The following MCCC2 variants were observed in gnomAD, a reference collection of about 807,000 sequenced individuals.
The protein encoded by MCCC2 is methylcrotonyl-CoA carboxylase subunit 2, also known as methylcrotonoyl-CoA carboxylase beta chain, mitochondrial.
In MCCC2, 52 loss-of-function variants were observed where a neutral mutation model predicts 77.2. The ratio of observed to expected loss-of-function variants is 0.67; its 90% CI spans 0.54 to 0.85. The LOEUF is 0.85. Among genes scored for constraint, MCCC2 ranks in the 40% least tolerant of loss-of-function variants. The pLI is 0.00. For missense variants in MCCC2, 682 were observed against 703.2 expected, an observed-to-expected ratio of 0.97 and a Z score of 0.34; for synonymous variants, 253 against 248.4, an observed-to-expected ratio of 1.02 and a Z score of -0.18.
At chr5:71,607,533 G>A (rs1481641945) in intron 6 of MCCC2, among the ~76,000 whole-genome samples, 4 of 145,332 alleles carry the variant, frequency 2.8e-5, no homozygotes, top group African/African-American at 1.0e-4. Flanking sequence ...ACCAGCTCCT[G>A]GATTCATTAA....
chr5:71,604,670 C>T (rs557959180), intron 6 of MCCC2, among the ~76,000 whole-genome samples: 14 of 151,446 alleles, frequency 9.2e-5, no homozygotes, highest in Non-Finnish European at 1.5e-4. Context: ...CATGCTGGTG[C>T]GCTGCACCCA....
chr5:71,602,962 A>G (rs1745503937), intron 5 of MCCC2: 1 of 308,128 alleles, frequency 3.2e-6, no homozygotes, highest in Admixed American at 4.8e-5. Flanking sequence ...GCAAGTATTT[A>G]TAGATCTCTT....
chr5:71,594,845 A>G (rs919147966), intron 2 of MCCC2, among the ~76,000 whole-genome samples: 10 of 151,756 alleles, frequency 6.6e-5, no homozygotes, highest in Non-Finnish European at 1.2e-4. Flanking sequence ...CCAAATTGTA[A>G]GGCCCCACTC....
At chr5:71,649,359 C>T in intron 14 of MCCC2, 106 bp downstream of exon 14, 2 of 1,095,468 alleles carry the variant, frequency 1.8e-6, no homozygotes, top group Non-Finnish European at 2.8e-6. Context: ...ATTCCCAGAT[C>T]TCAATCAATT....
intron 3 of MCCC2, among the ~76,000 whole-genome samples, chr5:71,596,774 A>T (rs1370918944): frequency 6.6e-6 from 1 of 152,096 alleles, no homozygotes; most frequent in African/African-American, 2.4e-5. Flanking sequence ...ACCCGTCTCT[A>T]CTAAAAATAC....
intron 6 of MCCC2, among the ~76,000 whole-genome samples, chr5:71,625,643 T>A (rs1391962930): frequency 1.3e-5 from 2 of 152,254 alleles, no homozygotes; most frequent in Non-Finnish European, 2.9e-5. Flanking sequence ...TAAGCAAAAC[T>A]GTAAGTGATA....
At chr5:71,587,650 A>G (rs1381053577) in intron 1 of MCCC2, 96 bp downstream of exon 1, 7 of 1,458,414 alleles carry the variant, frequency 4.8e-6, no homozygotes, top group Non-Finnish European at 4.6e-6. Context: ...TCTTGTCCGG[A>G]GCCCCAGTTG....
intron 3 of MCCC2, among the ~76,000 whole-genome samples, chr5:71,597,482 G>A (rs931047250): frequency 6.6e-6 from 1 of 152,160 alleles, no homozygotes; most frequent in Non-Finnish European, 1.5e-5. Context: ...ACCAGGTAGA[G>A]GGCGATTGCA....
At chr5:71,633,036 T>G in intron 8 of MCCC2, among the ~76,000 whole-genome samples, 1 of 148,544 alleles carries the variant, frequency 6.7e-6, no homozygotes, top group Non-Finnish European at 1.5e-5. Context: ...TTTTAGACTT[T>G]TTTTTTTTAG....
chr5:71,649,221 CG>C lies in MCCC2; in HGVS notation c.1343del (p.Gly448GlufsTer25). The stretch of plus-strand genomic sequence containing the variant: ...TCATCATTGGGGGCTCCTATGGAGC[CG>C]GAAACTATGGGATGTGTGGCAGAGC... The part of the protein sequence containing the change: ...TLIIGGSYGA[G>X]NYGMCGRAYS... On this transcript the variant is annotated frameshift_variant, in exon 14 of 17. Coordinates refer to ENST00000340941, the MANE Select transcript of MCCC2 (RefSeq NM_022132.5). LOFTEE classifies it high-confidence loss of function. The C allele has an allele frequency of 6.2e-7, 1 of 1,614,060 alleles. No homozygotes were observed. The highest frequency in any genetic ancestry group is 8.5e-7 in the Non-Finnish European group (1 of 1,180,002).
intron 6 of MCCC2, among the ~76,000 whole-genome samples, chr5:71,606,298 G>C (rs1349467378): frequency 6.6e-6 from 1 of 150,746 alleles, no homozygotes; most frequent in African/African-American, 2.4e-5. Flanking sequence ...CACATCCCTT[G>C]TAAGTTGGAT....
chr5:71,604,216 G>T, intron 5 of MCCC2, 140 bp from the exon 6 acceptor site: 1 of 718,776 alleles, frequency 1.4e-6, no homozygotes, highest in South Asian at 1.6e-5. Flanking sequence ...TGGAGAACGA[G>T]GCTCTATAAC....
chr5:71,634,788 A>G (rs1746859193), intron 8 of MCCC2, among the ~76,000 whole-genome samples, 155 bp from the exon 9 acceptor site: 1 of 152,244 alleles, frequency 6.6e-6, no homozygotes, highest in South Asian at 2.1e-4. Context: ...TAAAAGGACT[A>G]CTTAAGATGA....
chr5:71,633,483 T>A (rs753636945), intron 8 of MCCC2, among the ~76,000 whole-genome samples: 7 of 152,044 alleles, frequency 4.6e-5, no homozygotes, highest in Non-Finnish European at 8.8e-5. Flanking sequence ...CATATAACAG[T>A]AATAACTCTA....
chr5:71,625,274 A>G (rs377088384), intron 6 of MCCC2, among the ~76,000 whole-genome samples: 3 of 152,354 alleles, frequency 2.0e-5, no homozygotes, highest in East Asian at 3.8e-4. Flanking sequence ...GTGTTCTGGT[A>G]CAGAGAACAG....
intron 13 of MCCC2, among the ~76,000 whole-genome samples, chr5:71,648,255 T>G (rs1747325238): frequency 6.6e-6 from 1 of 152,062 alleles, no homozygotes; most frequent in Non-Finnish European, 1.5e-5. Flanking sequence ...GGCCCACAGA[T>G]GGAAGAAATG....
chr5:71,616,167 G>A (rs1039730342), intron 6 of MCCC2, among the ~76,000 whole-genome samples: 4 of 152,200 alleles, frequency 2.6e-5, no homozygotes, highest in Admixed American at 2.0e-4. Context: ...CTCGCCTTAT[G>A]TATCTTTTCA....
chr5:71,588,875 G>A (rs766347790), intron 1 of MCCC2, among the ~76,000 whole-genome samples: 4 of 152,120 alleles, frequency 2.6e-5, no homozygotes, highest in Admixed American at 6.5e-5. Context: ...GATTGATTAT[G>A]GGGCCAGATA....
At chr5:71,600,272 A>G (rs1360256308) in intron 4 of MCCC2, among the ~76,000 whole-genome samples, 1 of 152,204 alleles carries the variant, frequency 6.6e-6, no homozygotes, top group Admixed American at 6.5e-5. Context: ...GGCTGAAAAA[A>G]ATTCAGTCAT....
Sources: allele counts gnomAD v4.1 joint callset (sites outside exome capture counted in the v4.1 genomes callset), GRCh38; gene constraint gnomAD v4.1.1; transcripts MANE v1.5; gene names NCBI Gene and HGNC (gene_info 2026-07-23, HGNC 2026-07-21).